The following CREB5 variants were observed in gnomAD, a reference collection of about 807,000 sequenced individuals.
The protein encoded by CREB5 is cyclic AMP-responsive element-binding protein 5.
CREB5 carries 19 observed loss-of-function variants against 57.1 expected under a neutral mutation model. The observed-to-expected ratio is 0.33, with a 90% CI of 0.23 to 0.49. The LOEUF (loss-of-function observed/expected upper bound fraction) is 0.49, where lower values mean the gene tolerates loss of function less well. Among genes scored for constraint, CREB5 ranks in the 20% least tolerant of loss-of-function variants. CREB5 has a pLI of 0.99. For missense variants in CREB5, 579 were observed against 671.6 expected (o/e 0.86, Z 1.52); for synonymous variants, 238 against 238.3 (o/e 1.00, Z 0.01).
chr7:28,817,407 G>A (rs1809500530), intron 9 of CREB5, among the ~76,000 whole-genome samples: 1 of 152,130 alleles, frequency 6.6e-6, no homozygotes, highest in Non-Finnish European at 1.5e-5. Context: ...CATGACTGAA[G>A]GTCAATTTAT....
intron 5 of CREB5, among the ~76,000 whole-genome samples, chr7:28,657,891 G>T (rs769942605): frequency 3.3e-5 from 5 of 152,096 alleles, no homozygotes; most frequent in Non-Finnish European, 5.9e-5. Flanking sequence ...TATTCTGAAG[G>T]ATGTTTTTAT....
At chr7:28,665,641 A>G (rs7794932) in intron 5 of CREB5, among the ~76,000 whole-genome samples, 39,609 of 152,084 alleles carry the variant, frequency 0.26, 5,275 homozygotes, top group Middle Eastern at 0.37. Flanking sequence ...AGAAAGAGGA[A>G]TTTGGCAGGA....
At chr7:28,500,737 A>AG (rs1562759303) in intron 3 of CREB5, among the ~76,000 whole-genome samples, 1 of 152,156 alleles carries the variant, frequency 6.6e-6, no homozygotes. Flanking sequence ...GGGCATTTTA[A>AG]GGGGGAAGCT....
intron 1 of CREB5, among the ~76,000 whole-genome samples, chr7:28,437,897 G>A (rs961798999): frequency 5.3e-5 from 8 of 152,110 alleles, no homozygotes; most frequent in South Asian, 4.2e-4. Flanking sequence ...CAGAAAAGAC[G>A]ATGGAGACAT....
chr7:28,464,525 G>A (rs971120428), intron 1 of CREB5, among the ~76,000 whole-genome samples: 2 of 151,562 alleles, frequency 1.3e-5, no homozygotes, highest in Admixed American at 1.3e-4. Context: ...GTGTGTGTGT[G>A]TGTGTGTGTG....
intron 4 of CREB5, among the ~76,000 whole-genome samples, chr7:28,537,480 T>C (rs1301492091): frequency 6.6e-6 from 1 of 151,784 alleles, no homozygotes; most frequent in Non-Finnish European, 1.5e-5. Context: ...GCCTCAGAAA[T>C]GGACATGGAG....
intron 4 of CREB5, among the ~76,000 whole-genome samples, chr7:28,529,570 C>G (rs940016492): frequency 6.6e-6 from 1 of 152,064 alleles, no homozygotes; most frequent in African/African-American, 2.4e-5. Context: ...TTTAATCAAC[C>G]CCTTCATTCC....
At chr7:28,750,373 A>G (rs1357663739) in intron 7 of CREB5, among the ~76,000 whole-genome samples, 4 of 152,178 alleles carry the variant, frequency 2.6e-5, no homozygotes, top group Non-Finnish European at 5.9e-5. Context: ...TTAACAATAA[A>G]CTGGTTAATC....
At chr7:28,646,587 G>T (rs1360923214) in intron 5 of CREB5, among the ~76,000 whole-genome samples, 1 of 152,160 alleles carries the variant, frequency 6.6e-6, no homozygotes, top group Admixed American at 6.5e-5. Flanking sequence ...TTTCAAGAGA[G>T]ATAGTGCCGG....
intron 5 of CREB5, among the ~76,000 whole-genome samples, chr7:28,669,482 T>C (rs1036553425): frequency 6.6e-6 from 1 of 152,216 alleles, no homozygotes; most frequent in Admixed American, 6.5e-5. Context: ...CGTCAATTTC[T>C]CAGTTCTGGT....
At chr7:28,340,018 C>T (rs1375350264) in intron 1 of CREB5, among the ~76,000 whole-genome samples, 1 of 152,190 alleles carries the variant, frequency 6.6e-6, no homozygotes, top group Non-Finnish European at 1.5e-5. Context: ...GGGTGGAGGA[C>T]TTACCCCTCA....
intron 5 of CREB5, among the ~76,000 whole-genome samples, chr7:28,681,555 T>G (rs1421238956): frequency 1.3e-5 from 2 of 152,050 alleles, no homozygotes; most frequent in Non-Finnish European, 2.9e-5. Flanking sequence ...AGGGACCTAC[T>G]ATGTATGGGC....
intron 7 of CREB5, among the ~76,000 whole-genome samples, chr7:28,742,763 A>C (rs1323278700): frequency 6.6e-6 from 1 of 151,826 alleles, no homozygotes; most frequent in East Asian, 1.9e-4. Context: ...AGTATCACAC[A>C]CTGTTGCTTT....
rs530791721 is a variant in CREB5 at position 28,493,286 on chromosome 7, A to G, written c.76-1620A>G. On this transcript the variant is annotated intron_variant, in intron 2 of 10. Coordinates refer to ENST00000357727, the MANE Select transcript of CREB5 (RefSeq NM_182898.4). The stretch of plus-strand genomic sequence containing the variant: ...AGCAGAATATATCATCCTCTGTTGT[A>G]TTTTCATTTGACATTGATAAAGCGG... Among the ~76,000 whole-genome samples, 4 of 152,338 alleles carry G rather than the reference A, an allele frequency of 2.6e-5. No homozygotes were observed. In the South Asian group the frequency reaches 6.2e-4, roughly 24 times the overall value.
chr7:28,709,682 T>G (rs984385711), intron 5 of CREB5, among the ~76,000 whole-genome samples: 2 of 149,108 alleles, frequency 1.3e-5, no homozygotes, highest in African/African-American at 5.2e-5. Flanking sequence ...AGCCAGGCTT[T>G]TATTAAAAAA....
intron 9 of CREB5, among the ~76,000 whole-genome samples, chr7:28,812,963 G>T (rs1451372686): frequency 6.6e-6 from 1 of 152,158 alleles, no homozygotes; most frequent in Non-Finnish European, 1.5e-5. Context: ...CAGCATTTCA[G>T]ATTGGAAAAA....
At chr7:28,570,070 C>T (rs1472053739) in intron 4 of CREB5, among the ~76,000 whole-genome samples, 1 of 152,188 alleles carries the variant, frequency 6.6e-6, no homozygotes, top group Non-Finnish European at 1.5e-5. Flanking sequence ...TCCTTCAAGT[C>T]AGAGAAGGCA....
chr7:28,560,868 G>GTGTGTGCA (rs1795120796), intron 4 of CREB5, among the ~76,000 whole-genome samples: 2 of 38,160 alleles, frequency 5.2e-5, no homozygotes, highest in African/African-American at 2.2e-4. Context: ...GCGTGTGCCT[G>GTGTGTGCA]CGTGCGCGTG....
intron 4 of CREB5, among the ~76,000 whole-genome samples, chr7:28,543,628 A>T (rs536494297): frequency 6.6e-6 from 1 of 151,264 alleles, no homozygotes; most frequent in Admixed American, 6.6e-5. Flanking sequence ...ACTCTGGTTG[A>T]AAAGATGGGC....
Sources: gnomAD v4.1 joint callset for allele counts (sites outside exome capture counted in the v4.1 genomes callset) on GRCh38, gnomAD v4.1.1 for gene constraint, MANE v1.5 for transcripts, NCBI Gene and HGNC (gene_info 2026-07-23, HGNC 2026-07-21) for gene names.